Variants in MYOM2 observed in about 807,000 individuals in gnomAD.
The protein encoded by MYOM2 is myomesin 2, also known as myomesin-2.
MYOM2 carries 254 observed loss-of-function variants against 187.6 expected under a neutral mutation model. The ratio of observed to expected loss-of-function variants is 1.35; its 90% CI spans 1.22 to 1.50. The LOEUF (loss-of-function observed/expected upper bound fraction) is 1.50. Ranked by LOEUF, MYOM2 falls within the 40% of genes most tolerant of loss-of-function variation. The probability of loss-of-function intolerance (pLI) is 0.00; values close to 1 mark genes in which losing one functional copy is unlikely to be tolerated. For synonymous variants in MYOM2, 981 were observed against 753.8 expected, an observed-to-expected ratio of 1.30 and a Z score of -4.94; for missense variants, 2,796 against 1,924.0, an observed-to-expected ratio of 1.45 and a Z score of -8.48.
At chr8:2,135,257 C>T (rs755455219) in intron 32 of MYOM2, among the ~76,000 whole-genome samples, 2 of 152,104 alleles carry the variant, frequency 1.3e-5, no homozygotes, top group Non-Finnish European at 2.9e-5. Context: ...CAATTAATTC[C>T]TTTCATCTTT....
intron 25 of MYOM2, among the ~76,000 whole-genome samples, chr8:2,115,661 A>C (rs1206430880): frequency 6.6e-6 from 1 of 152,130 alleles, no homozygotes; most frequent in Non-Finnish European, 1.5e-5. Context: ...TTCTCCTGTG[A>C]ATTTTATCTG....
At chr8:2,085,492 C>CCTACTGTTGTGA (rs1819801012) in intron 14 of MYOM2, 102 bp downstream of exon 14, 10 of 1,349,408 alleles carry the variant, frequency 7.4e-6, no homozygotes, top group Middle Eastern at 2.4e-4. Flanking sequence ...CGCGTGGCCC[C>CCTACTGTTGTGA]TCACTGTTGT....
chr8:2,077,850 G>C (rs1025631151), intron 11 of MYOM2, among the ~76,000 whole-genome samples: 1 of 152,192 alleles, frequency 6.6e-6, no homozygotes, highest in Admixed American at 6.5e-5. Flanking sequence ...CTTACGACTT[G>C]CCAGCTGTTG....
intron 32 of MYOM2, among the ~76,000 whole-genome samples, chr8:2,136,155 C>T (rs554271419): frequency 2.0e-5 from 3 of 152,294 alleles, no homozygotes; most frequent in South Asian, 2.1e-4. Context: ...GGGGTCAGAA[C>T]GCCAACATGG....
chr8:2,135,774 A>T (rs564298346), intron 32 of MYOM2, among the ~76,000 whole-genome samples: 8 of 152,302 alleles, frequency 5.3e-5, no homozygotes, highest in African/African-American at 1.7e-4. Flanking sequence ...TAATATCCCT[A>T]TATGTCCAAG....
chr8:2,091,464 A>T (rs1208256045), intron 15 of MYOM2, among the ~76,000 whole-genome samples: 1 of 152,202 alleles, frequency 6.6e-6, no homozygotes, highest in African/African-American at 2.4e-5. Context: ...ATGGCAGTTA[A>T]CTAGCATGTA....
rs17064685 is a variant in MYOM2 at position 2,092,353 on chromosome 8, T to A, written c.1836T>A (p.Pro612=). ...PIQAQDVTVV[P]SAPGRVLASR... is the part of the protein sequence containing the mutation. ...TTTGTCTCCTACGAAAAGTTGTCCC[T>A]TCTGCTCCGGGTCGGGTTCTTGCTT... Residue 612 remains proline, a synonymous_variant, in exon 16 of 37, where the codon CCT becomes CCA. Coordinates refer to ENST00000262113, the MANE Select transcript of MYOM2 (RefSeq NM_003970.4). 3 of 1,613,804 alleles carry A rather than the reference T, an allele frequency of 1.9e-6. No homozygotes were observed. In the African/African-American group the frequency reaches 4.0e-5, roughly 22 times the overall value.
chr8:2,077,551 T>A (rs939886553), intron 11 of MYOM2, among the ~76,000 whole-genome samples: 1 of 152,234 alleles, frequency 6.6e-6, no homozygotes, highest in Non-Finnish European at 1.5e-5. Context: ...AATATTTTGA[T>A]ATGCTAGAGA....
chr8:2,110,485 T>C (rs181607261), intron 25 of MYOM2, among the ~76,000 whole-genome samples: 140 of 152,332 alleles, frequency 9.2e-4, no homozygotes, highest in African/African-American at 3.1e-3. Flanking sequence ...AATTTCCTCT[T>C]TTCTAATTAT....
intron 15 of MYOM2, among the ~76,000 whole-genome samples, 182 bp downstream of exon 15, chr8:2,090,373 A>T (rs1275416480): frequency 1.3e-5 from 2 of 152,184 alleles, no homozygotes; most frequent in Admixed American, 1.3e-4. Flanking sequence ...GGTTCTTGAC[A>T]TTTCTCCAAA....
At position 2,106,413 on chromosome 8, in the gene MYOM2, G is replaced by C; in HGVS notation, c.2891+15G>C. 1 of 1,612,876 alleles carries C rather than the reference G, an allele frequency of 6.2e-7. No homozygotes were observed. On this transcript the variant is annotated intron_variant, in intron 22 of 36. Transcript: ENST00000262113. The stretch of plus-strand genomic sequence containing the variant: ...GTGGGGGATCAGTAAGTGAGGCCTG[G>C]AAGTTGGATACTGGAAACTTTTAGA...
rs1719675875 is a variant in MYOM2, at chr8:2,096,265, A to G, written c.2144A>G (p.Tyr715Cys). The G allele has an allele frequency of 4.3e-6, 7 of 1,613,894 alleles. No individual in the cohort carries two copies. The highest frequency in any genetic ancestry group is 1.7e-5 in the Admixed American group (1 of 59,986). ...CTTGCAGCCGTCCCGTCCCATCCTT[A>G]TGGGATTACGCTCCTCAACTGTGAC... The part of the protein sequence containing the change: ...QAALTVPSHP[Y>C]GITLLNCDGH... Residue 715 changes from tyrosine to cysteine, a missense_variant, in exon 18 of 37, where the codon TAT (tyrosine) becomes TGT (cysteine). Physicochemically the swap from Tyr to Cys is radical, Grantham distance 194 (BLOSUM62 -2). Coordinates refer to ENST00000262113, the MANE Select transcript of MYOM2 (RefSeq NM_003970.4).
intron 17 of MYOM2, among the ~76,000 whole-genome samples, chr8:2,095,933 C>G (rs1319343466): frequency 1.3e-5 from 2 of 152,182 alleles, no homozygotes; most frequent in Admixed American, 6.5e-5. Context: ...GCCGAGAAGA[C>G]AGAACATCTT....
At chr8:2,061,850 G>C (rs918540243) in intron 6 of MYOM2, among the ~76,000 whole-genome samples, 8 of 152,234 alleles carry the variant, frequency 5.3e-5, no homozygotes, top group African/African-American at 1.9e-4. Flanking sequence ...TGTGTGCCTG[G>C]TGCTATCCTG....
chr8:2,068,950 CA>C (rs1376791357), intron 6 of MYOM2, among the ~76,000 whole-genome samples: 1 of 152,184 alleles, frequency 6.6e-6, no homozygotes. Context: ...CCGCGCATTC[CA>C]TAGAGGTAGA....
chr8:2,125,749 A>G lies in MYOM2; in HGVS notation c.3694+1532A>G, dbSNP rs180890338. ...CAGTCTCCAGAGTAGCTGGGACTACAGGCACGCATCACCACACCCAGCTAA... is the reference window on the plus strand; with the variant it reads ...CAGTCTCCAGAGTAGCTGGGACTACGGGCACGCATCACCACACCCAGCTAA... On this transcript the variant is annotated intron_variant, in intron 31 of 36. Coordinates refer to ENST00000262113, the MANE Select transcript of MYOM2 (RefSeq NM_003970.4). Among the ~76,000 whole-genome samples the G allele has an allele frequency of 4.0e-3, 600 of 151,428 alleles. 3 individuals carry two copies. Among genetic ancestry groups the G allele is most frequent in the African/African-American group, 0.014 (585 of 41,248 alleles).
intron 32 of MYOM2, among the ~76,000 whole-genome samples, chr8:2,134,937 C>G (rs887316102): frequency 2.0e-5 from 3 of 152,126 alleles, no homozygotes; most frequent in Non-Finnish European, 2.9e-5. Context: ...AGCCGCGGGT[C>G]TTACATGCTC....
intron 18 of MYOM2, among the ~76,000 whole-genome samples, chr8:2,098,465 G>A (rs781081927): frequency 3.3e-5 from 5 of 152,268 alleles, no homozygotes; most frequent in South Asian, 2.1e-4. Context: ...GGCAGGGCCC[G>A]CTCAGGGGAC....
At position 2,076,289 on chromosome 8, in the gene MYOM2, G is replaced by C; in HGVS notation, c.1262+7G>C. ...TGGGCTATTTTGTGGACCGGTGAGC[G>C]TCTTGCATTCTCCCGGGGATGGGAA... is the stretch of plus-strand genomic sequence containing the variant. On this transcript the variant is annotated splice_region_variant and intron_variant, in intron 11 of 36. Coordinates refer to ENST00000262113, the MANE Select transcript of MYOM2 (RefSeq NM_003970.4). 6.2e-7 allele frequency: 1 copy of C among 1,612,868 alleles called. No homozygotes were observed. The highest frequency in any genetic ancestry group is 8.5e-7 in the Non-Finnish European group (1 of 1,179,642).
Sources: gnomAD v4.1 joint callset for allele counts (sites outside exome capture counted in the v4.1 genomes callset) on GRCh38, gnomAD v4.1.1 for gene constraint, MANE v1.5 for transcripts, NCBI Gene and HGNC (gene_info 2026-07-23, HGNC 2026-07-21) for gene names.